The following PTPN1 variants were observed in gnomAD, a reference collection of about 807,000 sequenced individuals.
The protein encoded by PTPN1 is tyrosine-protein phosphatase non-receptor type 1.
PTPN1 carries 12 observed loss-of-function variants against 59.9 expected under a neutral mutation model. The observed-to-expected ratio is 0.20, with a 90% CI of 0.13 to 0.32. PTPN1 has a LOEUF of 0.32. Among genes scored for constraint, PTPN1 ranks in the 10% least tolerant of loss-of-function variants. The probability of loss-of-function intolerance (pLI) is 1.00; values close to 1 mark genes in which losing one functional copy is unlikely to be tolerated. For synonymous variants in PTPN1, 178 were observed against 203.6 expected (o/e 0.87, Z 1.07); for missense variants, 356 against 549.2 (o/e 0.65, Z 3.52).
At chr20:50,561,106 G>C (rs1450341357) in intron 1 of PTPN1, among the ~76,000 whole-genome samples, 1 of 152,056 alleles carries the variant, frequency 6.6e-6, no homozygotes, top group Admixed American at 6.6e-5. Flanking sequence ...TGCTGTGCAG[G>C]GTGTTCCAGA....
At chr20:50,579,995 G>C (rs1215870285) in intron 8 of PTPN1, 69 bp downstream of exon 8, 1 of 1,414,508 alleles carries the variant, frequency 7.1e-7, no homozygotes, top group Non-Finnish European at 9.9e-7. Flanking sequence ...ACACACGCTG[G>C]TACTGAAACC....
chr20:50,528,371 CT>C (rs1432799735), intron 1 of PTPN1, among the ~76,000 whole-genome samples: 1 of 152,092 alleles, frequency 6.6e-6, no homozygotes, highest in Admixed American at 6.5e-5. Flanking sequence ...TGCTTTTGTT[CT>C]AGTCATTTGT....
intron 3 of PTPN1, among the ~76,000 whole-genome samples, chr20:50,565,421 T>C (rs886526972): frequency 2.6e-5 from 4 of 152,244 alleles, no homozygotes; most frequent in African/African-American, 9.6e-5. Flanking sequence ...AGAGCACTTG[T>C]GATGGCAAAT....
chr20:50,556,068 C>G (rs571697244), intron 1 of PTPN1, among the ~76,000 whole-genome samples: 1 of 151,528 alleles, frequency 6.6e-6, no homozygotes, highest in East Asian at 1.9e-4. Context: ...TAGCATTTCC[C>G]TGAAAGCTTA....
At chr20:50,517,169 T>C (rs2082532230) in intron 1 of PTPN1, among the ~76,000 whole-genome samples, 2 of 152,232 alleles carry the variant, frequency 1.3e-5, no homozygotes, top group African/African-American at 2.4e-5. Context: ...AATCTATTGA[T>C]CTCTGGGCTT....
At chr20:50,541,714 CT>C (rs2082653562) in intron 1 of PTPN1, among the ~76,000 whole-genome samples, 2 of 152,184 alleles carry the variant, frequency 1.3e-5, no homozygotes, top group Non-Finnish European at 1.5e-5. Context: ...ATGGCCGTCC[CT>C]TCTCCACCCT....
At position 50,574,658 on chromosome 20, in the gene PTPN1, A is replaced by G; in HGVS notation, c.492+4A>G. ...GCTAGAATTGGAAAACCTTACAGTG[A>G]GTATAGCACACACTTCAGCACTTCA... On this transcript the variant is annotated splice_donor_region_variant and intron_variant, in intron 5 of 9. Transcript: ENST00000371621. 1.9e-6 allele frequency: 3 copies of G among 1,601,368 alleles called. No individual in the cohort carries two copies. The South Asian group carries it at 3.4e-5, about 18-fold the overall frequency.
intron 1 of PTPN1, among the ~76,000 whole-genome samples, chr20:50,520,138 G>A (rs1337006345): frequency 6.6e-6 from 1 of 152,108 alleles, no homozygotes; most frequent in Non-Finnish European, 1.5e-5. Context: ...TTGGGAGGCC[G>A]AGGTGGGTGG....
At chr20:50,574,302 CTG>C in intron 4 of PTPN1, 1 of 514,752 alleles carries the variant, frequency 1.9e-6, no homozygotes, top group East Asian at 3.6e-5. Context: ...GTTTGGAAGT[CTG>C]AGCCCTGTCT....
At chr20:50,532,253 G>A (rs1378741175) in intron 1 of PTPN1, among the ~76,000 whole-genome samples, 2 of 152,186 alleles carry the variant, frequency 1.3e-5, no homozygotes, top group Non-Finnish European at 2.9e-5. Context: ...GTTTTAAATC[G>A]AGAGGCTTTG....
At position 50,584,464 on chromosome 20, in the gene PTPN1, A is replaced by C. The variant is rs2082887810; in HGVS notation, c.*1749A>C. ...TACACATTATGTTAGAGAGGTAGCG[A>C]GCTGCTCTGCTATATGCCTTAAGCC... On this transcript the variant is annotated 3_prime_UTR_variant, in exon 10 of 10. Coordinates refer to ENST00000371621, the MANE Select transcript of PTPN1 (RefSeq NM_002827.4). 1 of 152,652 alleles carries C rather than the reference A, an allele frequency of 6.6e-6. No homozygotes were observed. The highest frequency in any genetic ancestry group is 1.5e-5 in the Non-Finnish European group (1 of 68,046). 9.5% of individuals were successfully genotyped at this position (152,652 alleles called of 1,614,324 possible).
At chr20:50,535,993 C>G (rs2082622721) in intron 1 of PTPN1, among the ~76,000 whole-genome samples, 1 of 152,172 alleles carries the variant, frequency 6.6e-6, no homozygotes, top group Non-Finnish European at 1.5e-5. Flanking sequence ...AGGTTAAAAT[C>G]TAGGCATTAA....
chr20:50,555,163 A>G (rs140887502), intron 1 of PTPN1, among the ~76,000 whole-genome samples: 187 of 152,390 alleles, frequency 1.2e-3, no homozygotes, highest in Non-Finnish European at 2.2e-3. Flanking sequence ...CAATTAAATG[A>G]AAAGCTGGTT....
At chr20:50,558,723 T>A (rs558977580) in intron 1 of PTPN1, among the ~76,000 whole-genome samples, 4 of 152,300 alleles carry the variant, frequency 2.6e-5, no homozygotes, top group East Asian at 3.9e-4. Context: ...TTTTGTTAGG[T>A]CATGGTTGGT....
At chr20:50,570,186 T>C (rs921031035) in intron 4 of PTPN1, among the ~76,000 whole-genome samples, 8 of 152,220 alleles carry the variant, frequency 5.3e-5, no homozygotes, top group African/African-American at 1.9e-4. Flanking sequence ...AGTGAAAACT[T>C]GAAGCATTAA....
chr20:50,543,694 A>T (rs2082662412), intron 1 of PTPN1, among the ~76,000 whole-genome samples: 1 of 152,234 alleles, frequency 6.6e-6, no homozygotes, highest in African/African-American at 2.4e-5. Context: ...AGATGGTAGA[A>T]GGAAAATAGA....
In PTPN1 at chr20:50,582,611, G is replaced by C; in HGVS notation, c.1285-81G>C. 1 of 1,475,858 alleles carries C rather than the reference G, an allele frequency of 6.8e-7. No individual in the cohort carries two copies. The highest frequency in any genetic ancestry group is 9.4e-7 in the Non-Finnish European group (1 of 1,068,182). 91.4% of individuals were successfully genotyped at this position (1,475,858 alleles called of 1,614,324 possible). ...CCCTCGGAGGTTGAAGTTGCCGGGG[G>C]GTGTGGCCGGGGTCATGCATGAGGC... On this transcript the variant is annotated intron_variant, in intron 9 of 9. Transcript: ENST00000371621. This position sits in a 1 kb window ranked among gnomAD's most constrained non-coding sequence, Gnocchi z 4.2.
intron 1 of PTPN1, among the ~76,000 whole-genome samples, chr20:50,535,637 A>G (rs987116093): frequency 2.6e-5 from 4 of 152,232 alleles, no homozygotes; most frequent in African/African-American, 9.6e-5. Flanking sequence ...CAGGCAAAAT[A>G]GGATTTTGCA....
At chr20:50,565,466 C>G (rs1271503401) in intron 3 of PTPN1, among the ~76,000 whole-genome samples, 2 of 152,198 alleles carry the variant, frequency 1.3e-5, no homozygotes, top group African/African-American at 2.4e-5. Context: ...GAATCTCTGT[C>G]CAGAGCCATT....
Sources: allele counts gnomAD v4.1 joint callset (sites outside exome capture counted in the v4.1 genomes callset), GRCh38; gene constraint gnomAD v4.1.1; non-coding constraint Gnocchi (gnomAD v3.1); transcripts MANE v1.5; gene names NCBI Gene and HGNC (gene_info 2026-07-23, HGNC 2026-07-21).